The following FRMD5 variants were observed in gnomAD, a reference collection of about 807,000 sequenced individuals.
The protein encoded by FRMD5 is FERM domain-containing protein 5.
Under a neutral mutation model 69.0 loss-of-function variants are expected in FRMD5, and 20 were observed. The observed-to-expected ratio is 0.29, with a 90% confidence interval of 0.20 to 0.42. The LOEUF (loss-of-function observed/expected upper bound fraction) is 0.42, where lower values mean the gene tolerates loss of function less well. FRMD5 is among the 10% of genes least tolerant of loss of function. The pLI is 1.00. For synonymous variants in FRMD5, 271 were observed against 260.1 expected, an observed-to-expected ratio of 1.04 and a Z score of -0.40; for missense variants, 595 against 708.6, an observed-to-expected ratio of 0.84 and a Z score of 1.82.
At chr15:43,977,696 G>A (rs1048530034) in intron 1 of FRMD5, among the ~76,000 whole-genome samples, 8 of 152,206 alleles carry the variant, frequency 5.3e-5, no homozygotes, top group Admixed American at 2.0e-4. Context: ...TTGGGCAGGC[G>A]TTCTGCAATT....
intron 1 of FRMD5, among the ~76,000 whole-genome samples, chr15:44,139,727 C>CAAAAAAAAAAAAAAA (rs71111842): frequency 2.8e-5 from 2 of 72,026 alleles, no homozygotes; most frequent in Non-Finnish European, 4.8e-5. Context: ...CCAGTCTCTA[C>CAAAAAAAAAAAAAAA]AAAAAAAAAA....
At position 43,909,922 on chromosome 15, in the gene FRMD5, T is replaced by C; in HGVS notation, c.387A>G (p.Lys129=). The C allele has an allele frequency of 6.2e-7, 1 of 1,613,444 alleles. No homozygotes were observed. Among genetic ancestry groups the C allele is most frequent in the Non-Finnish European group, 8.5e-7 (1 of 1,179,526 alleles). The change falls in exon 5 of 14, where the codon AAA becomes AAG. Residue 129 remains lysine (K), a synonymous_variant. Coordinates refer to ENST00000417257, the MANE Select transcript of FRMD5 (RefSeq NM_032892.5). Reference sequence around the variant, plus strand: ...CTGCTAACAAGGCAGCATCCGATGTTTTACAGAGGAGTCGGCCATGGTAGA... The same window carrying C: ...CTGCTAACAAGGCAGCATCCGATGTCTTACAGAGGAGTCGGCCATGGTAGA... ...RDLYHGRLLC[K]TSDAALLAAY...
intron 1 of FRMD5, among the ~76,000 whole-genome samples, chr15:44,084,063 C>A (rs1023774855): frequency 7.9e-5 from 12 of 151,916 alleles, no homozygotes; most frequent in Non-Finnish European, 1.6e-4. Flanking sequence ...CATTATTTGT[C>A]TTAAAACAAT....
intron 7 of FRMD5, among the ~76,000 whole-genome samples, chr15:43,897,796 G>A (rs1012381395): frequency 6.6e-6 from 1 of 152,144 alleles, no homozygotes; most frequent in Non-Finnish European, 1.5e-5. Context: ...TAACCCCCAT[G>A]TGACAGGGGA....
At chr15:44,153,600 A>C (rs2077480309) in intron 1 of FRMD5, among the ~76,000 whole-genome samples, 2 of 152,228 alleles carry the variant, frequency 1.3e-5, no homozygotes, top group Non-Finnish European at 2.9e-5. Flanking sequence ...TTTACAGATG[A>C]AAAAGACTGT....
intron 1 of FRMD5, among the ~76,000 whole-genome samples, chr15:44,052,066 C>T (rs1892691951): frequency 6.6e-6 from 1 of 151,962 alleles, no homozygotes; most frequent in East Asian, 1.9e-4. Flanking sequence ...GAGTTGTGCT[C>T]CACCTCCTTG....
chr15:44,056,836 C>A (rs373524048), intron 1 of FRMD5, among the ~76,000 whole-genome samples: 1 of 152,150 alleles, frequency 6.6e-6, no homozygotes, highest in East Asian at 1.9e-4. Flanking sequence ...TCCCTCCACA[C>A]CATTGTCTCA....
At chr15:43,888,092 T>A in intron 10 of FRMD5, 83 bp downstream of exon 10, 2 of 1,068,274 alleles carry the variant, frequency 1.9e-6, no homozygotes, top group South Asian at 1.4e-5. Flanking sequence ...CGCCCCAAGT[T>A]CCTGGGCACT....
rs562057200 is a variant in FRMD5, at chr15:43,973,124, G to A, written c.103-48815C>T. ...TGCAAGCACTGCCTCCCGGGTTCAC[G>A]CCATTCTCCTGCCTCAGCCTCCCGA... is the stretch of plus-strand genomic sequence containing the variant. On this transcript the variant is annotated intron_variant, in intron 1 of 13. Coordinates refer to ENST00000417257, the MANE Select transcript of FRMD5 (RefSeq NM_032892.5). 9.9e-5 allele frequency among the ~76,000 whole-genome samples: 15 copies of A among 151,980 alleles called. No individual in the cohort carries two copies. The East Asian group carries it at 2.1e-3, about 22-fold the overall frequency.
chr15:43,879,900 C>A, intron 13 of FRMD5: 1 of 367,484 alleles, frequency 2.7e-6, no homozygotes, highest in East Asian at 4.0e-5. Flanking sequence ...AGGAGCAGCT[C>A]TGAGAGGCCA....
At chr15:44,057,239 C>T (rs1892908810) in intron 1 of FRMD5, among the ~76,000 whole-genome samples, 2 of 151,964 alleles carry the variant, frequency 1.3e-5, no homozygotes, top group African/African-American at 2.4e-5. Context: ...ATTCTCCTGC[C>T]TCAGCCTCCC....
intron 1 of FRMD5, among the ~76,000 whole-genome samples, chr15:43,976,976 G>A (rs752683763): frequency 7.9e-5 from 12 of 152,100 alleles, no homozygotes; most frequent in Non-Finnish European, 1.8e-4. Context: ...GATTACAGGT[G>A]CATGCCACCA....
At chr15:43,900,379 T>C (rs2089015992) in intron 7 of FRMD5, among the ~76,000 whole-genome samples, 1 of 152,202 alleles carries the variant, frequency 6.6e-6, no homozygotes, top group Non-Finnish European at 1.5e-5. Context: ...ATGTCAATTC[T>C]CTGGTATAAC....
chr15:44,079,529 A>T (rs998458666), intron 1 of FRMD5, among the ~76,000 whole-genome samples: 1 of 152,068 alleles, frequency 6.6e-6, no homozygotes, highest in Non-Finnish European at 1.5e-5. Context: ...CTTGTCTCTT[A>T]AACAATAAAA....
intron 1 of FRMD5, among the ~76,000 whole-genome samples, chr15:44,083,179 G>A (rs1215968743): frequency 6.6e-6 from 1 of 151,968 alleles, no homozygotes; most frequent in Non-Finnish European, 1.5e-5. Context: ...TTTTTAGAAA[G>A]TGAAAAGAGA....
intron 7 of FRMD5, among the ~76,000 whole-genome samples, chr15:43,897,978 A>G (rs554361959): frequency 2.0e-5 from 3 of 152,254 alleles, no homozygotes; most frequent in Admixed American, 1.3e-4. Flanking sequence ...CTATGATTGT[A>G]AGTTTCCTGA....
chr15:44,128,341 G>A (rs1027060601), intron 1 of FRMD5, among the ~76,000 whole-genome samples: 2 of 152,146 alleles, frequency 1.3e-5, no homozygotes, highest in Non-Finnish European at 2.9e-5. Flanking sequence ...TTAGCTGGGC[G>A]TGGTGGCGCA....
intron 1 of FRMD5, among the ~76,000 whole-genome samples, chr15:44,090,443 C>CT (rs34584410): frequency 0.11 from 15,842 of 143,370 alleles, 1,191 homozygotes; most frequent in Non-Finnish European, 0.15. Context: ...TGAATAACTA[C>CT]TTTTTTTTTT....
Position 43,874,529 on chromosome 15 carries a change from A to AT in FRMD5, c.1136-68dup, listed in dbSNP as rs910693687. 6 of 1,142,626 alleles carry AT rather than the reference A, an allele frequency of 5.3e-6. No individual in the cohort carries two copies. In the African/African-American group the frequency reaches 9.1e-5, roughly 17 times the overall value. 70.8% of individuals were successfully genotyped at this position (1,142,626 alleles called of 1,614,324 possible). A position where few individuals can be genotyped will look rare whatever the true frequency, so the allele number is the denominator to read the frequency against. On this transcript the variant is annotated intron_variant, in intron 13 of 13. Coordinates refer to ENST00000417257, the MANE Select transcript of FRMD5 (RefSeq NM_032892.5). The stretch of plus-strand genomic sequence containing the variant: ...CACCCTTTGCTTTCCAGTAGCACCC[A>AT]TTGTGTTTTATTGGGTACCATTCTG...
Sources: allele counts gnomAD v4.1 joint callset (sites outside exome capture counted in the v4.1 genomes callset), GRCh38; gene constraint gnomAD v4.1.1; transcripts MANE v1.5; gene names NCBI Gene and HGNC (gene_info 2026-07-23, HGNC 2026-07-21).